The following SGSM1 variants were observed in gnomAD, a reference collection of about 807,000 sequenced individuals.
SGSM1 encodes small G protein signaling modulator 1.
Under a neutral mutation model 133.8 loss-of-function variants are expected in SGSM1, and 73 were observed. The ratio of observed to expected loss-of-function variants is 0.55; its 90% CI spans 0.45 to 0.66. SGSM1 has a LOEUF of 0.66. SGSM1 is among the 30% of genes least tolerant of loss of function. The pLI is 0.00. For missense variants in SGSM1, 1,213 were observed against 1,448.1 expected (o/e 0.84, Z 2.64); for synonymous variants, 563 against 573.0 (o/e 0.98, Z 0.25).
At position 24,860,209 on chromosome 22, in the gene SGSM1, G is replaced by A. The variant is rs147230526; in HGVS notation, c.926+369G>A. ...AAAAGGGAAGGCAGGAGGTGTTAGC[G>A]AGCATCTGGTCCAGGGCTGCATCTG... On this transcript the variant is annotated intron_variant, in intron 9 of 24. Coordinates refer to ENST00000400358, the MANE Select transcript of SGSM1 (RefSeq NM_001098497.3). Among the ~76,000 whole-genome samples, 7 of 152,282 alleles carry A rather than the reference G, an allele frequency of 4.6e-5. No homozygotes were observed. The East Asian group carries it at 9.6e-4, about 21-fold the overall frequency.
At chr22:24,810,455 C>T (rs1353736662) in intron 2 of SGSM1, among the ~76,000 whole-genome samples, 1 of 152,004 alleles carries the variant, frequency 6.6e-6, no homozygotes, top group African/African-American at 2.4e-5. Context: ...TCCTTCCTGG[C>T]TTCCTTTACC....
chr22:24,847,619 G>C lies in SGSM1; in HGVS notation c.140-15G>C. 6.2e-7 allele frequency: 1 copy of C among 1,611,880 alleles called. No homozygotes were observed. ...ATGGGCAGGGCAGGGTCTGCTGACT[G>C]CCATGTCCCTGCAGCGGCTGTGGAG... On this transcript the variant is annotated splice_polypyrimidine_tract_variant and intron_variant, in intron 3 of 24. Transcript: ENST00000400358.
At chr22:24,920,837 T>C (rs1933979979) in intron 24 of SGSM1, among the ~76,000 whole-genome samples, 1 of 152,232 alleles carries the variant, frequency 6.6e-6, no homozygotes. Flanking sequence ...GAATGCACGA[T>C]ACCTTGGCCT....
chr22:24,858,591 G>T (rs145187927), intron 8 of SGSM1, among the ~76,000 whole-genome samples: 1 of 148,274 alleles, frequency 6.7e-6, no homozygotes, highest in Non-Finnish European at 1.5e-5. Context: ...AGCCGAGATC[G>T]CGCCGCTGTC....
At chr22:24,860,912 A>ATAT (rs1356480013) in intron 9 of SGSM1, among the ~76,000 whole-genome samples, 77 of 97,680 alleles carry the variant, frequency 7.9e-4, no homozygotes, top group Middle Eastern at 5.0e-3. Flanking sequence ...AAAAAAAAAA[A>ATAT]AAAAAAAAAA....
intron 13 of SGSM1, 53 bp downstream of exon 13, chr22:24,876,768 C>T (rs1932048434): frequency 6.2e-7 from 1 of 1,608,592 alleles, no homozygotes; most frequent in Admixed American, 1.7e-5. Flanking sequence ...TACCAGAGAT[C>T]TGTAGATGCC....
Position 24,891,706 on chromosome 22 carries a change from G to A in SGSM1, c.1771-1725G>A, listed in dbSNP as rs537342171. 1.0e-3 allele frequency among the ~76,000 whole-genome samples: 152 copies of A among 152,256 alleles called. 1 individual carries two copies. Among genetic ancestry groups the A allele is most frequent in the African/African-American group, 3.4e-3 (143 of 41,550 alleles). On this transcript the variant is annotated intron_variant, in intron 16 of 24. Coordinates refer to ENST00000400358, the MANE Select transcript of SGSM1 (RefSeq NM_001098497.3). ...TTCATGGGGGTTGTGGTGGTCACTG[G>A]TGGGATTGAGGCAACCCCGAGGGCT...
chr22:24,830,291 A>G (rs1405694687), intron 2 of SGSM1, among the ~76,000 whole-genome samples: 2 of 152,160 alleles, frequency 1.3e-5, no homozygotes, highest in Admixed American at 6.5e-5. Flanking sequence ...TTGGATCCCG[A>G]CCCTCAGGCT....
At chr22:24,902,246 A>G (rs1038219277) in intron 20 of SGSM1, among the ~76,000 whole-genome samples, 135 of 152,332 alleles carry the variant, frequency 8.9e-4, no homozygotes, top group African/African-American at 2.9e-3. Flanking sequence ...AGGCTCCAGG[A>G]AGAGCCTCAT....
chr22:24,881,418 T>G (rs1191216242), intron 14 of SGSM1, among the ~76,000 whole-genome samples: 1 of 147,332 alleles, frequency 6.8e-6, no homozygotes, highest in Non-Finnish European at 1.5e-5. Flanking sequence ...TACAAAAAAT[T>G]AGTCGGGTGT....
At chr22:24,854,297 G>A (rs1930649492) in intron 5 of SGSM1, among the ~76,000 whole-genome samples, 1 of 152,146 alleles carries the variant, frequency 6.6e-6, no homozygotes, top group Non-Finnish European at 1.5e-5. Context: ...AACAGCATTT[G>A]GTTGCCCCAG....
At chr22:24,873,346 C>T (rs1931858604) in intron 12 of SGSM1, among the ~76,000 whole-genome samples, 1 of 152,012 alleles carries the variant, frequency 6.6e-6, no homozygotes, top group Non-Finnish European at 1.5e-5. Context: ...CTGAATAATT[C>T]CTTGTGTGGG....
In SGSM1 at chr22:24,926,373, C is replaced by T. The variant is rs1009764162; in HGVS notation, c.*2099C>T. 2 of 152,146 alleles carry T rather than the reference C, an allele frequency of 1.3e-5. No individual in the cohort carries two copies. Among genetic ancestry groups the T allele is most frequent in the African/African-American group, 2.4e-5 (1 of 41,432 alleles). 9.4% of individuals were successfully genotyped at this position (152,146 alleles called of 1,614,324 possible). A position where few individuals can be genotyped will look rare whatever the true frequency, so the allele number is the denominator to read the frequency against. ...CCAAAGCAGAAACGGGAGACGGCAA[C>T]GTTCTGGCTGCCATTAGACTTACGT... is the stretch of plus-strand genomic sequence containing the variant. On this transcript the variant is annotated 3_prime_UTR_variant, in exon 25 of 25. Transcript: ENST00000400358.
intron 21 of SGSM1, among the ~76,000 whole-genome samples, chr22:24,907,305 AAAAG>A (rs1269950049): frequency 1.4e-5 from 2 of 143,816 alleles, no homozygotes; most frequent in African/African-American, 5.2e-5. Context: ...ATAAATAAAT[AAAAG>A]AATACAATAC....
chr22:24,892,935 C>T (rs530903554), intron 16 of SGSM1, among the ~76,000 whole-genome samples: 114 of 151,250 alleles, frequency 7.5e-4, no homozygotes, highest in African/African-American at 2.7e-3. Flanking sequence ...GTGGCGCATG[C>T]CTGTAGTCCC....
At chr22:24,906,391 G>T (rs534165938) in intron 21 of SGSM1, among the ~76,000 whole-genome samples, 147 of 152,248 alleles carry the variant, frequency 9.7e-4, no homozygotes, top group African/African-American at 3.4e-3. Context: ...TCTAGCCAGG[G>T]CAATTAAGAA....
intron 8 of SGSM1, among the ~76,000 whole-genome samples, chr22:24,859,235 G>A (rs1361455940): frequency 6.6e-6 from 1 of 152,142 alleles, no homozygotes; most frequent in Admixed American, 6.5e-5. Flanking sequence ...GGGAGAAAAG[G>A]GACCGGCTAC....
intron 2 of SGSM1, among the ~76,000 whole-genome samples, chr22:24,829,321 A>T (rs7285879): frequency 6.6e-6 from 1 of 152,092 alleles, no homozygotes; most frequent in African/African-American, 2.4e-5. Context: ...TATAAATGAG[A>T]GCTAAATGAT....
At chr22:24,806,621 T>A in intron 2 of SGSM1, 137 bp downstream of exon 2, 2 of 1,051,548 alleles carry the variant, frequency 1.9e-6, no homozygotes, top group Non-Finnish European at 2.6e-6. Context: ...TGGGTGGGCA[T>A]TGACCTCCCG....
Sources: gnomAD v4.1 joint callset for allele counts (sites outside exome capture counted in the v4.1 genomes callset) on GRCh38, gnomAD v4.1.1 for gene constraint, MANE v1.5 for transcripts, NCBI Gene and HGNC (gene_info 2026-07-23, HGNC 2026-07-21) for gene names.